ANKS1B: variants seen among roughly 807,000 people sequenced by gnomAD.
The protein encoded by ANKS1B is ankyrin repeat and sterile alpha motif domain containing 1B.
A neutral mutation model predicts 148.3 loss-of-function variants in ANKS1B; 36 were observed. The observed-to-expected ratio is 0.24, with a 90% CI of 0.19 to 0.32. ANKS1B has a LOEUF of 0.32. Ranked by LOEUF, ANKS1B falls within the 10% of genes least tolerant of loss-of-function variation. The pLI is 1.00. For missense variants in ANKS1B, 1,157 were observed against 1,542.6 expected, an observed-to-expected ratio of 0.75 and a Z score of 4.19; for synonymous variants, 542 against 560.8, an observed-to-expected ratio of 0.97 and a Z score of 0.47.
intron 12 of ANKS1B, among the ~76,000 whole-genome samples, chr12:99,394,207 T>C (rs1215199043): frequency 6.6e-6 from 1 of 152,210 alleles, no homozygotes; most frequent in Admixed American, 6.5e-5. Context: ...TGCTGCTCTC[T>C]ACTTTGTAGA....
At chr12:99,856,343 G>T (rs1603355599) in intron 1 of ANKS1B, among the ~76,000 whole-genome samples, 1 of 151,832 alleles carries the variant, frequency 6.6e-6, no homozygotes, top group East Asian at 1.9e-4. Flanking sequence ...GAAATATACA[G>T]CCCTCCTACA....
intron 22 of ANKS1B, among the ~76,000 whole-genome samples, chr12:98,786,696 T>C (rs1165415443): frequency 1.3e-5 from 2 of 152,244 alleles, no homozygotes; most frequent in Non-Finnish European, 2.9e-5. Flanking sequence ...GAGGGGTTTA[T>C]GATGGGGAGC....
intron 11 of ANKS1B, among the ~76,000 whole-genome samples, chr12:99,412,634 C>G (rs1367288176): frequency 6.6e-6 from 1 of 152,184 alleles, no homozygotes; most frequent in African/African-American, 2.4e-5. Context: ...CAGGTAGTAA[C>G]TCTCCCTGTT....
intron 11 of ANKS1B, among the ~76,000 whole-genome samples, chr12:99,407,469 C>T (rs572769539): frequency 1.4e-5 from 2 of 145,590 alleles, no homozygotes; most frequent in East Asian, 1.9e-4. Flanking sequence ...GACAAGGACG[C>T]CCACTTTCAG....
chr12:99,801,385 G>T (rs1172767723), intron 4 of ANKS1B, among the ~76,000 whole-genome samples: 1 of 152,158 alleles, frequency 6.6e-6, no homozygotes, highest in African/African-American at 2.4e-5. Flanking sequence ...AAAGAAAACG[G>T]TGGTTCAAAG....
Position 99,580,966 on chromosome 12 carries a change from A to G in ANKS1B, c.1272+74101T>C, listed in dbSNP as rs117965043. On this transcript the variant is annotated intron_variant, in intron 9 of 26. Transcript: ENST00000683438. ...AAAATTCATTATTTATAAGATGCCAATTCTTTCCAAATTGACCTATATATT... is the reference window on the plus strand; with the variant it reads ...AAAATTCATTATTTATAAGATGCCAGTTCTTTCCAAATTGACCTATATATT... Among the ~76,000 whole-genome samples, 1,415 of 152,280 alleles carry G rather than the reference A, an allele frequency of 9.3e-3. 7 individuals are homozygous for G. The highest frequency in any genetic ancestry group is 0.014 in the Non-Finnish European group (957 of 68,014).
At chr12:99,491,218 T>C (rs925686853) in intron 10 of ANKS1B, among the ~76,000 whole-genome samples, 1 of 151,692 alleles carries the variant, frequency 6.6e-6, no homozygotes, top group Non-Finnish European at 1.5e-5. Context: ...AGCAGGAGAA[T>C]GGCGTGAACC....
At chr12:99,517,352 T>C (rs1044010749) in intron 9 of ANKS1B, among the ~76,000 whole-genome samples, 1 of 146,732 alleles carries the variant, frequency 6.8e-6, no homozygotes, top group Non-Finnish European at 1.5e-5. Flanking sequence ...TTTTTGTATG[T>C]TGATTTTGTA....
chr12:99,924,698 T>C (rs1191104378), intron 1 of ANKS1B, among the ~76,000 whole-genome samples: 2 of 152,118 alleles, frequency 1.3e-5, no homozygotes, highest in African/African-American at 4.8e-5. Context: ...CTTCCACTAT[T>C]TGAGGACACA....
chr12:99,943,019 G>A (rs1482723368), intron 1 of ANKS1B, among the ~76,000 whole-genome samples: 1 of 152,114 alleles, frequency 6.6e-6, no homozygotes, highest in African/African-American at 2.4e-5. Context: ...ATGGAAAAGA[G>A]GACAATCCTG....
At chr12:99,508,870 C>A (rs577302744) in intron 9 of ANKS1B, among the ~76,000 whole-genome samples, 2 of 151,870 alleles carry the variant, frequency 1.3e-5, no homozygotes, top group African/African-American at 4.8e-5. Flanking sequence ...TCGTGTTTTA[C>A]AGATATTGCA....
intron 2 of ANKS1B, among the ~76,000 whole-genome samples, chr12:99,813,387 T>A (rs549512741): frequency 9.3e-5 from 14 of 151,164 alleles, no homozygotes; most frequent in African/African-American, 9.7e-5. Context: ...TAAATAAAAA[T>A]ATATATATAA....
At chr12:99,145,837 C>G (rs1200783478) in intron 15 of ANKS1B, among the ~76,000 whole-genome samples, 1 of 152,072 alleles carries the variant, frequency 6.6e-6, no homozygotes, top group Non-Finnish European at 1.5e-5. Context: ...AATCTAGGCT[C>G]TGCTGGCAAT....
Position 98,801,697 on chromosome 12 carries a change from C to T in ANKS1B, c.3142-572G>A, listed in dbSNP as rs544170744. On this transcript the variant is annotated intron_variant, in intron 20 of 26. Coordinates refer to ENST00000683438, the MANE Select transcript of ANKS1B (RefSeq NM_001352186.2). The surrounding 1 kb of genome is among the most constrained non-coding windows in gnomAD (Gnocchi z 5.2). ...ATTCAATTGCACTGATTTAATGATG[C>T]TGTCTCAGATGGATTCAGCTACTTT... 6.6e-6 allele frequency among the ~76,000 whole-genome samples: 1 copy of T among 152,298 alleles called. No individual in the cohort carries two copies. Among genetic ancestry groups the T allele is most frequent in the South Asian group, 2.1e-4 (1 of 4,820 alleles).
At chr12:99,341,214 T>C (rs2089859697) in intron 12 of ANKS1B, 1 of 152,186 alleles carries the variant, frequency 6.6e-6, no homozygotes, top group Admixed American at 6.6e-5. Flanking sequence ...TACTCTTCTA[T>C]ACTTCATGGT....
chr12:98,928,717 C>A (rs1171652505), intron 17 of ANKS1B, among the ~76,000 whole-genome samples: 3 of 152,048 alleles, frequency 2.0e-5, no homozygotes, highest in African/African-American at 7.2e-5. Context: ...ATGCAGGAAT[C>A]TCCTTTAACA....
At position 98,850,620 on chromosome 12, in the gene ANKS1B, G is replaced by A. The variant is rs149958320; in HGVS notation, c.2779-18484C>T. ...GTAGCTGGGACTACTGGCACACGCC[G>A]CCACGCTCAGCTAATTTTTTGTATT... On this transcript the variant is annotated intron_variant, in intron 17 of 26. Coordinates refer to ENST00000683438, the MANE Select transcript of ANKS1B (RefSeq NM_001352186.2). Among the ~76,000 whole-genome samples the A allele has an allele frequency of 5.5e-3, 840 of 151,622 alleles. 10 individuals are homozygous for A. The highest frequency in any genetic ancestry group is 0.02 in the African/African-American group (811 of 41,340).
intron 1 of ANKS1B, among the ~76,000 whole-genome samples, chr12:99,931,578 G>A (rs188182669): frequency 2.6e-5 from 4 of 152,180 alleles, no homozygotes; most frequent in Non-Finnish European, 5.9e-5. Context: ...TAATTAATGT[G>A]TCTATCAAAA....
intron 14 of ANKS1B, among the ~76,000 whole-genome samples, chr12:99,155,799 A>C (rs377375115): frequency 2.0e-5 from 3 of 152,134 alleles, no homozygotes; most frequent in Admixed American, 1.3e-4. Context: ...TCCTAGAGGA[A>C]TATCTTCCAA....
Sources: gnomAD v4.1 joint callset for allele counts (sites outside exome capture counted in the v4.1 genomes callset) on GRCh38, gnomAD v4.1.1 for gene constraint, Gnocchi (gnomAD v3.1) non-coding constraint, MANE v1.5 for transcripts, NCBI Gene and HGNC (gene_info 2026-07-23, HGNC 2026-07-21) for gene names.